Variants in CDC42BPB observed in about 807,000 individuals in gnomAD.
CDC42BPB encodes the protein CDC42 binding protein kinase beta, also known as serine/threonine-protein kinase MRCK beta.
In CDC42BPB, 37 loss-of-function variants were observed where a neutral mutation model predicts 214.9. The ratio of observed to expected loss-of-function variants is 0.17; its 90% CI spans 0.13 to 0.23. The LOEUF is 0.23. Ranked by LOEUF, CDC42BPB falls within the 10% of genes least tolerant of loss-of-function variation. The probability of loss-of-function intolerance (pLI) is 1.00; values close to 1 mark genes in which losing one functional copy is unlikely to be tolerated. For synonymous variants in CDC42BPB, 931 were observed against 884.0 expected (o/e 1.05, Z -0.94); for missense variants, 1,694 against 2,227.0 (o/e 0.76, Z 4.82).
chr14:102,952,316 G>A (rs575945727), intron 24 of CDC42BPB, among the ~76,000 whole-genome samples, 182 bp downstream of exon 24: 2 of 152,338 alleles, frequency 1.3e-5, no homozygotes, highest in South Asian at 4.1e-4. Context: ...AAGTCTGAGT[G>A]ACAGAGTGAG....
chr14:102,941,067 AAG>A (rs1290059559), intron 30 of CDC42BPB: 2 of 953,174 alleles, frequency 2.1e-6, no homozygotes, highest in Non-Finnish European at 2.5e-6. Flanking sequence ...CCACGTTTAG[AAG>A]AGCAGTGACA....
At chr14:103,024,509 A>G (rs372293346) in intron 1 of CDC42BPB, among the ~76,000 whole-genome samples, 20 of 152,342 alleles carry the variant, frequency 1.3e-4, no homozygotes, top group East Asian at 7.7e-4. Flanking sequence ...GGTTCAAAGG[A>G]GAGCAACTTA....
chr14:103,023,495 C>T (rs1326370707), intron 1 of CDC42BPB, among the ~76,000 whole-genome samples: 2 of 152,090 alleles, frequency 1.3e-5, no homozygotes, highest in Middle Eastern at 3.4e-3. Flanking sequence ...TTTGTAGACA[C>T]GGGGTCTTGC....
chr14:102,964,845 T>C, intron 18 of CDC42BPB, 195 bp from the exon 19 acceptor site: 1 of 766,450 alleles, frequency 1.3e-6, no homozygotes, highest in Non-Finnish European at 1.6e-6. Flanking sequence ...TCAGAAATCT[T>C]CTAAAAAATA....
chr14:102,992,932 G>A (rs765663949), intron 5 of CDC42BPB, among the ~76,000 whole-genome samples: 96 of 151,920 alleles, frequency 6.3e-4, no homozygotes, highest in Admixed American at 9.2e-4. Flanking sequence ...GGGTTCAAGC[G>A]ATTCTCATAC....
intron 34 of CDC42BPB, 89 bp from the exon 35 acceptor site, chr14:102,938,500 C>G: frequency 6.8e-7 from 1 of 1,474,634 alleles, no homozygotes; most frequent in Non-Finnish European, 8.9e-7. Context: ...TGGCTGTGGC[C>G]TCGTGACCTT....
At chr14:102,974,185 G>A in intron 11 of CDC42BPB, 36 bp from the exon 12 acceptor site, 4 of 1,608,378 alleles carry the variant, frequency 2.5e-6, no homozygotes, top group Non-Finnish European at 3.4e-6. Flanking sequence ...GTTCCTTTAT[G>A]TGCAATGACT....
Position 102,933,716 on chromosome 14 carries a change from G to GT in CDC42BPB, c.5131dup (p.Thr1711AsnfsTer24), listed in dbSNP as rs758646022. ...CCCTGTGGCGAGCTGGCGGCTTCAGGTGTCACAGGCCGGCTGCTCCAGGCC... is the reference window on the plus strand; with the variant it reads ...CCCTGTGGCGAGCTGGCGGCTTCAGGTTGTCACAGGCCGGCTGCTCCAGGCC... On this transcript the variant is annotated frameshift_variant, in exon 37 of 37. Coordinates refer to ENST00000361246, the MANE Select transcript of CDC42BPB (RefSeq NM_006035.4). LOFTEE classifies it high-confidence loss of function. The GT allele has an allele frequency of 4.1e-6, 6 of 1,471,502 alleles. No homozygotes were observed. Among genetic ancestry groups the GT allele is most frequent in the Non-Finnish European group, 5.3e-6 (6 of 1,126,234 alleles). The allele number at this position is 1,471,502 out of a possible 1,614,324, so 91.2% of individuals were successfully genotyped here. A position where few individuals can be genotyped will look rare whatever the true frequency, so the allele number is the denominator to read the frequency against.
rs1891831723 is a variant in CDC42BPB at position 102,940,244 on chromosome 14, T to C, written c.4489A>G (p.Thr1497Ala). The change falls in exon 31 of 37, where the codon ACC becomes GCC. Residue 1497 changes from threonine (T) to alanine (A), a missense_variant. Physicochemically the swap from Thr to Ala is moderately conservative, Grantham distance 58. This residue lies in a region of CDC42BPB where 567 missense variants were observed against 790.3 expected (regional missense o/e 0.72). Coordinates refer to ENST00000361246, the MANE Select transcript of CDC42BPB (RefSeq NM_006035.4). Reference sequence around the variant, plus strand: ...CGCCTTACCCTCCGCAGGCCGATGGTCTGCACCCACTCCATGGTGCGCACA... The same window carrying C: ...CGCCTTACCCTCCGCAGGCCGATGGCCTGCACCCACTCCATGGTGCGCACA... ...FDVRTMEWVQ[T>A]IGLRRIRPLN... 1 of 1,601,296 alleles carries C rather than the reference T, an allele frequency of 6.2e-7. No homozygotes were observed. Among genetic ancestry groups the C allele is most frequent in the African/African-American group, 1.3e-5 (1 of 74,750 alleles).
At chr14:102,996,101 A>G (rs1894717872) in intron 5 of CDC42BPB, among the ~76,000 whole-genome samples, 1 of 152,266 alleles carries the variant, frequency 6.6e-6, no homozygotes, top group Non-Finnish European at 1.5e-5. Context: ...GCACTTTGGG[A>G]GGCCGAGGCG....
chr14:102,947,141 G>C (rs1162742533), intron 27 of CDC42BPB, among the ~76,000 whole-genome samples: 2 of 152,176 alleles, frequency 1.3e-5, no homozygotes, highest in Admixed American at 6.5e-5. Context: ...GTGTATGACA[G>C]GGTTGTTTCT....
chr14:103,053,512 A>T (rs1483279120), intron 1 of CDC42BPB, among the ~76,000 whole-genome samples: 1 of 152,034 alleles, frequency 6.6e-6, no homozygotes, highest in African/African-American at 2.4e-5. Flanking sequence ...CTGTAATCCA[A>T]GAACTTTGGG....
chr14:103,051,986 T>C (rs1417047331), intron 1 of CDC42BPB, among the ~76,000 whole-genome samples: 1 of 152,082 alleles, frequency 6.6e-6, no homozygotes, highest in African/African-American at 2.4e-5. Context: ...GGTGGGACTA[T>C]GCGTGCCACC....
At chr14:102,991,408 G>A (rs1005242633) in intron 5 of CDC42BPB, among the ~76,000 whole-genome samples, 17 of 152,178 alleles carry the variant, frequency 1.1e-4, no homozygotes, top group Admixed American at 5.2e-4. Flanking sequence ...GGAAGGATGA[G>A]GAACTATTCT....
chr14:102,943,832 T>A lies in CDC42BPB; in HGVS notation c.4408+59A>T. ...ACAAACCAAAGCAAAATCGAACACATGCTGACTGTCGGTGGGAAAAGCAGC... is the reference window on the plus strand; with the variant it reads ...ACAAACCAAAGCAAAATCGAACACAAGCTGACTGTCGGTGGGAAAAGCAGC... On this transcript the variant is annotated intron_variant, in intron 30 of 36. Transcript: ENST00000361246. The surrounding 1 kb of genome is among the most constrained non-coding windows in gnomAD (Gnocchi z 4.6). The A allele has an allele frequency of 6.7e-7, 1 of 1,485,962 alleles. No homozygotes were observed. The highest frequency in any genetic ancestry group is 9.1e-7 in the Non-Finnish European group (1 of 1,099,032). The allele number at this position is 1,485,962 out of a possible 1,614,324, so 92.0% of individuals were successfully genotyped here.
intron 1 of CDC42BPB, among the ~76,000 whole-genome samples, chr14:103,045,140 T>A (rs1888221912): frequency 6.6e-6 from 1 of 152,198 alleles, no homozygotes; most frequent in Admixed American, 6.5e-5. Flanking sequence ...TCAATGATTT[T>A]GCACTAACAA....
At chr14:103,039,557 G>A (rs1055992134) in intron 1 of CDC42BPB, among the ~76,000 whole-genome samples, 7 of 152,170 alleles carry the variant, frequency 4.6e-5, no homozygotes, top group African/African-American at 1.4e-4. Context: ...GAAAAATCAC[G>A]ACAAAATCCA....
chr14:102,964,518 T>C lies in CDC42BPB; in HGVS notation c.2710A>G (p.Asn904Asp), dbSNP rs1893104681. The C allele has an allele frequency of 6.2e-7, 1 of 1,613,740 alleles. No individual in the cohort carries two copies. The change falls in exon 19 of 37, where the codon AAC becomes GAC. Residue 904 changes from asparagine (N) to aspartate (D), a missense_variant. Coordinates refer to ENST00000361246, the MANE Select transcript of CDC42BPB (RefSeq NM_006035.4). ...QEELRKVKDA[N>D]LTLESKLKDS... ...ACCAAGTACCTTTCCAAGGTGAGGT[T>C]GGCGTCCTTGACCTTCCTGAGCTCC...
chr14:103,042,403 C>T (rs1202694126), intron 1 of CDC42BPB, among the ~76,000 whole-genome samples: 5 of 152,126 alleles, frequency 3.3e-5, no homozygotes, highest in Admixed American at 1.3e-4. Context: ...CTCCGCCTCC[C>T]GGGTTCACGC....
Sources: allele counts gnomAD v4.1 joint callset (sites outside exome capture counted in the v4.1 genomes callset), GRCh38; gene constraint gnomAD v4.1.1; regional missense constraint gnomAD v4.1.1; non-coding constraint Gnocchi (gnomAD v3.1); transcripts MANE v1.5; gene names NCBI Gene and HGNC (gene_info 2026-07-23, HGNC 2026-07-21).